ZNF529: variants seen among roughly 807,000 people sequenced by gnomAD.
ZNF529 encodes the protein zinc finger protein 529.
Under a neutral mutation model 10.1 loss-of-function variants are expected in ZNF529, and 11 were observed. That is an observed-to-expected ratio of 1.09 (90% CI 0.69 to 1.81). ZNF529 has a LOEUF of 1.81. Among genes scored for constraint, ZNF529 ranks in the 40% most tolerant of loss-of-function variants. The pLI is 0.00. For missense variants in ZNF529, 624 were observed against 666.8 expected, an observed-to-expected ratio of 0.94 and a Z score of 0.71; for synonymous variants, 204 against 215.7, an observed-to-expected ratio of 0.95 and a Z score of 0.47.
intron 2 of ZNF529, among the ~76,000 whole-genome samples, chr19:36,567,551 G>A (rs2035944865): frequency 6.6e-6 from 1 of 151,972 alleles, no homozygotes; most frequent in Non-Finnish European, 1.5e-5. Flanking sequence ...TGATTCTCCT[G>A]CCTCAGCCTC....
intron 2 of ZNF529, among the ~76,000 whole-genome samples, 164 bp downstream of exon 2, chr19:36,572,169 G>C (rs545848402): frequency 6.6e-6 from 1 of 151,076 alleles, no homozygotes; most frequent in South Asian, 2.1e-4. Context: ...GAAGCACATG[G>C]GAGAATTGAA....
Position 36,573,273 on chromosome 19 carries a change from A to C in ZNF529, c.-180T>G. 3 of 299,532 alleles carry C rather than the reference A, an allele frequency of 1.0e-5. No homozygotes were observed. Among genetic ancestry groups the C allele is most frequent in the South Asian group, 5.0e-5 (2 of 39,706 alleles). The allele number at this position is 299,532 out of a possible 1,614,324, so 18.6% of individuals were successfully genotyped here. A position where few individuals can be genotyped will look rare whatever the true frequency, so the allele number is the denominator to read the frequency against. On this transcript the variant is annotated 5_prime_UTR_variant, in exon 1 of 5. Coordinates refer to ENST00000591340, the MANE Select transcript of ZNF529 (RefSeq NM_020951.5). ...CCGGCCCGGGTCACCTCGACTCGCC[A>C]GGCTTAACTCAATAACCACAACACC...
intron 1 of ZNF529, chr19:36,594,771 A>G (rs1386555627): frequency 6.6e-6 from 1 of 152,262 alleles, no homozygotes; most frequent in East Asian, 1.9e-4. Flanking sequence ...CACCACACAC[A>G]CAAAAGCAGA....
chr19:36,561,983 C>G (rs2035716207), intron 2 of ZNF529, among the ~76,000 whole-genome samples: 1 of 152,162 alleles, frequency 6.6e-6, no homozygotes, highest in Non-Finnish European at 1.5e-5. Flanking sequence ...TGCCTATAAT[C>G]CCAGCACTCT....
At chr19:36,555,177 T>G (rs1210666095) in intron 3 of ZNF529, among the ~76,000 whole-genome samples, 1 of 152,226 alleles carries the variant, frequency 6.6e-6, no homozygotes, top group Non-Finnish European at 1.5e-5. Context: ...AATATCTAAC[T>G]TTGAAAATGG....
rs1003119519 is a variant in ZNF529 at position 36,546,218 on chromosome 19, A to G, written c.*648T>C. The G allele has an allele frequency of 3.1e-5, 4 of 130,918 alleles. No individual in the cohort carries two copies. Among genetic ancestry groups the G allele is most frequent in the South Asian group, 2.5e-4 (1 of 4,006 alleles). 8.1% of individuals were successfully genotyped at this position (130,918 alleles called of 1,614,324 possible). A position where few individuals can be genotyped will look rare whatever the true frequency, so the allele number is the denominator to read the frequency against. On this transcript the variant is annotated 3_prime_UTR_variant, in exon 5 of 5. Coordinates refer to ENST00000591340, the MANE Select transcript of ZNF529 (RefSeq NM_020951.5). The stretch of plus-strand genomic sequence containing the variant: ...TACACTATATACACTATATGTGTAT[A>G]TACACTATATGTATATAGTGTGTGT...
At chr19:36,549,795 C>A (rs993471063) in intron 4 of ZNF529, among the ~76,000 whole-genome samples, 1 of 152,170 alleles carries the variant, frequency 6.6e-6, no homozygotes, top group African/African-American at 2.4e-5. Flanking sequence ...CTTTTATCTT[C>A]TTTTACAGAT....
At chr19:36,557,603 T>C (rs1195337471) in intron 2 of ZNF529, among the ~76,000 whole-genome samples, 2 of 152,150 alleles carry the variant, frequency 1.3e-5, no homozygotes, top group Non-Finnish European at 2.9e-5. Flanking sequence ...CCTTGACATG[T>C]GGGGATTATT....
intron 2 of ZNF529, among the ~76,000 whole-genome samples, chr19:36,588,941 T>G (rs3096624): frequency 0.035 from 3,775 of 106,640 alleles, 154 homozygotes; most frequent in African/African-American, 0.13. Context: ...GAGAACCCCA[T>G]CTTTTTTTTT....
intron 1 of ZNF529, among the ~76,000 whole-genome samples, chr19:36,600,037 T>C (rs1286508707): frequency 2.6e-5 from 4 of 152,040 alleles, no homozygotes; most frequent in African/African-American, 9.7e-5. Flanking sequence ...CCCAGCTAAT[T>C]ATTCCATTTT....
In ZNF529 at chr19:36,547,228, G is replaced by A; in HGVS notation, c.1330C>T (p.His444Tyr). 1 of 1,613,742 alleles carries A rather than the reference G, an allele frequency of 6.2e-7. No individual in the cohort carries two copies. The highest frequency in any genetic ancestry group is 8.5e-7 in the Non-Finnish European group (1 of 1,179,824). The change falls in exon 5 of 5, where the codon CAC becomes TAC. Residue 444 changes from histidine to tyrosine, a missense_variant. Transcript: ENST00000591340. Reference sequence around the variant, plus strand: ...CATTCATAAGGTTTTTGACCACTGTGAATTCTTTCATGTCGAGTAAGTTCA... The same window carrying A: ...CATTCATAAGGTTTTTGACCACTGTAAATTCTTTCATGTCGAGTAAGTTCA... The part of the protein sequence containing the change: ...GSELTRHERI[H>Y]SGQKPYECKE...
chr19:36,601,920 T>C (rs1192505929), intron 1 of ZNF529, among the ~76,000 whole-genome samples: 1 of 152,120 alleles, frequency 6.6e-6, no homozygotes, highest in African/African-American at 2.4e-5. Context: ...AAAAGAGAGA[T>C]GAAAAATTTC....
At position 36,554,549 on chromosome 19, in the gene ZNF529, A is replaced by G. The variant is rs1020181208; in HGVS notation, c.235+121T>C. The G allele has an allele frequency of 1.5e-5, 13 of 847,908 alleles. No individual in the cohort carries two copies. In the South Asian group the frequency reaches 2.2e-4, roughly 14 times the overall value. The allele number at this position is 847,908 out of a possible 1,614,324, so 52.5% of individuals were successfully genotyped here. A position where few individuals can be genotyped will look rare whatever the true frequency, so the allele number is the denominator to read the frequency against. ...GCCAAGATCATGTCACTGCACTCCAACCTGGGTGACAGAGTGAGACTCCAT... is the reference window on the plus strand; with the variant it reads ...GCCAAGATCATGTCACTGCACTCCAGCCTGGGTGACAGAGTGAGACTCCAT... On this transcript the variant is annotated intron_variant, in intron 4 of 4. Coordinates refer to ENST00000591340, the MANE Select transcript of ZNF529 (RefSeq NM_020951.5).
intron 2 of ZNF529, among the ~76,000 whole-genome samples, chr19:36,562,531 G>T (rs2035742023): frequency 6.6e-6 from 1 of 152,008 alleles, no homozygotes; most frequent in Non-Finnish European, 1.5e-5. Context: ...TTGCCAATGT[G>T]ATAGTATTAG....
rs1394952454 is a variant in ZNF529, at chr19:36,548,022, A to T, written c.536T>A (p.Val179Asp). 1 of 1,613,854 alleles carries T rather than the reference A, an allele frequency of 6.2e-7. No individual in the cohort carries two copies. Residue 179 changes from valine (V) to aspartate (D), a missense_variant, in exon 5 of 5, where the codon GTC becomes GAC. Transcript: ENST00000591340. ...KPYEYKEYEK[V>D]FSCDLEFDEY... is the part of the protein sequence containing the mutation. The stretch of plus-strand genomic sequence containing the variant: ...ATCAAACTCTAAGTCACAACTGAAG[A>T]CCTTCTCATATTCCTTGTATTCATA...
At chr19:36,586,280 A>G (rs1407157224) in intron 2 of ZNF529, among the ~76,000 whole-genome samples, 1 of 152,206 alleles carries the variant, frequency 6.6e-6, no homozygotes, top group African/African-American at 2.4e-5. Flanking sequence ...ATGGAGCTAC[A>G]GGGGAAAAGA....
Position 36,545,718 on chromosome 19 carries a change from T to A in ZNF529, c.*1148A>T, listed in dbSNP as rs970315695. 6.6e-6 allele frequency: 1 copy of A among 151,964 alleles called. No homozygotes were observed. Among genetic ancestry groups the A allele is most frequent in the African/African-American group, 2.4e-5 (1 of 41,392 alleles). The allele number at this position is 151,964 out of a possible 1,614,324, so 9.4% of individuals were successfully genotyped here. ...GAGGGAATAAAAAGAAAAATAATGA[T>A]AATAGATTAAAAAAACAATTGAAGC... On this transcript the variant is annotated 3_prime_UTR_variant, in exon 5 of 5. Transcript: ENST00000591340.
rs1177952103 is a variant in ZNF529 at position 36,546,490 on chromosome 19, G to C, written c.*376C>G. The C allele has an allele frequency of 5.9e-6, 1 of 170,362 alleles. No individual in the cohort carries two copies. Among genetic ancestry groups the C allele is most frequent in the Non-Finnish European group, 1.3e-5 (1 of 79,752 alleles). The allele number at this position is 170,362 out of a possible 1,614,324, so 10.6% of individuals were successfully genotyped here. A position where few individuals can be genotyped will look rare whatever the true frequency, so the allele number is the denominator to read the frequency against. On this transcript the variant is annotated 3_prime_UTR_variant, in exon 5 of 5. Transcript: ENST00000591340. Reference sequence around the variant, plus strand: ...GTGCTAACTCTGTGGAGGAAAATAAGTAAGTATAGATATCACAAGCAAAGA... The same window carrying C: ...GTGCTAACTCTGTGGAGGAAAATAACTAAGTATAGATATCACAAGCAAAGA...
At chr19:36,583,776 A>G (rs1224102551) in intron 2 of ZNF529, among the ~76,000 whole-genome samples, 3 of 152,180 alleles carry the variant, frequency 2.0e-5, no homozygotes, top group Non-Finnish European at 1.5e-5. Flanking sequence ...GATCTTAAGT[A>G]TAGAGAACAT....
Sources: allele counts gnomAD v4.1 joint callset (sites outside exome capture counted in the v4.1 genomes callset), GRCh38; gene constraint gnomAD v4.1.1; transcripts MANE v1.5; gene names NCBI Gene and HGNC (gene_info 2026-07-23, HGNC 2026-07-21).